Variants in SNX2 observed in about 807,000 individuals in gnomAD.
The protein encoded by SNX2 is sorting nexin-2.
A neutral mutation model predicts 69.9 loss-of-function variants in SNX2; 25 were observed. The observed-to-expected ratio is 0.36, with a 90% CI of 0.26 to 0.50. The LOEUF is 0.50. SNX2 is among the 20% of genes least tolerant of loss of function. The probability of loss-of-function intolerance (pLI) is 0.97; values close to 1 mark genes in which losing one functional copy is unlikely to be tolerated. For missense variants in SNX2, 551 were observed against 613.3 expected, an observed-to-expected ratio of 0.90 and a Z score of 1.07; for synonymous variants, 229 against 200.4, an observed-to-expected ratio of 1.14 and a Z score of -1.20.
At chr5:122,823,453 G>C (rs1476244220) in intron 11 of SNX2, among the ~76,000 whole-genome samples, 2 of 152,096 alleles carry the variant, frequency 1.3e-5, no homozygotes, top group African/African-American at 4.8e-5. Flanking sequence ...AATACTATGA[G>C]ATAATAAATT....
intron 7 of SNX2, among the ~76,000 whole-genome samples, chr5:122,809,430 A>G (rs981141174): frequency 6.6e-6 from 1 of 152,180 alleles, no homozygotes; most frequent in Admixed American, 6.5e-5. Flanking sequence ...GAAGCAGACT[A>G]AAAGGGGGAC....
intron 11 of SNX2, among the ~76,000 whole-genome samples, chr5:122,821,654 A>C (rs1754028350): frequency 6.6e-6 from 1 of 151,868 alleles, no homozygotes; most frequent in African/African-American, 2.4e-5. Flanking sequence ...ACGAGGTTTC[A>C]CCGTGTTAGC....
chr5:122,791,978 A>G (rs180875216), intron 1 of SNX2, among the ~76,000 whole-genome samples: 62 of 152,328 alleles, frequency 4.1e-4, no homozygotes, highest in African/African-American at 1.4e-3. Context: ...ATATAGGCCA[A>G]TCACCCAATC....
At chr5:122,805,305 A>AAG (rs1753616378) in intron 6 of SNX2, among the ~76,000 whole-genome samples, 1 of 151,892 alleles carries the variant, frequency 6.6e-6, no homozygotes, top group Admixed American at 6.6e-5. Flanking sequence ...AAAAAAAAAA[A>AAG]AAGAATTTTG....
At chr5:122,805,455 T>G (rs753156699) in intron 6 of SNX2, among the ~76,000 whole-genome samples, 2 of 152,156 alleles carry the variant, frequency 1.3e-5, no homozygotes, top group Non-Finnish European at 2.9e-5. Flanking sequence ...TTATTGTTTT[T>G]ACTTTTTTAA....
chr5:122,785,843 A>G (rs1753073502), intron 1 of SNX2, among the ~76,000 whole-genome samples: 1 of 152,162 alleles, frequency 6.6e-6, no homozygotes, highest in African/African-American at 2.4e-5. Context: ...AAAAGAATGT[A>G]TATATAGTCT....
In SNX2 at chr5:122,803,477, T is replaced by C; in HGVS notation, c.507T>C (p.Ser169=). 6.2e-7 allele frequency: 1 copy of C among 1,607,420 alleles called. No homozygotes were observed. The highest frequency in any genetic ancestry group is 8.5e-7 in the Non-Finnish European group (1 of 1,178,248). ...YMAYRVTTKT[S]LSMFSKSEFS... is the part of the protein sequence containing the mutation. ...CACCTCTTCTTCACTTGTAGACATC[T>C]CTTTCCATGTTCAGTAAGAGTGAAT... Residue 169 remains serine, a synonymous_variant, in exon 6 of 15, where the codon TCT becomes TCC. Coordinates refer to ENST00000379516, the MANE Select transcript of SNX2 (RefSeq NM_003100.4).
At chr5:122,789,484 C>G (rs61242972) in intron 1 of SNX2, among the ~76,000 whole-genome samples, 44,867 of 140,824 alleles carry the variant, frequency 0.32, 7,071 homozygotes, top group African/African-American at 0.36. Flanking sequence ...GACACACACA[C>G]ACACACACAC....
At chr5:122,779,095 G>T (rs987390605) in intron 1 of SNX2, among the ~76,000 whole-genome samples, 2 of 151,654 alleles carry the variant, frequency 1.3e-5, no homozygotes, top group African/African-American at 4.9e-5. Context: ...TAGATAGTAC[G>T]TTTTAAAAAA....
chr5:122,783,024 C>T (rs752035571), intron 1 of SNX2, among the ~76,000 whole-genome samples: 2 of 151,960 alleles, frequency 1.3e-5, no homozygotes, highest in Admixed American at 6.6e-5. Context: ...GCAACCTCCA[C>T]CTCCCCAGTT....
chr5:122,797,588 A>G (rs1294355167), intron 2 of SNX2, among the ~76,000 whole-genome samples: 2 of 152,166 alleles, frequency 1.3e-5, no homozygotes, highest in Non-Finnish European at 2.9e-5. Flanking sequence ...AATAGGGAGC[A>G]GCGTATGTTA....
intron 7 of SNX2, among the ~76,000 whole-genome samples, chr5:122,813,107 C>T (rs1753817166): frequency 6.6e-6 from 1 of 152,004 alleles, no homozygotes. Context: ...TCTATTTCTC[C>T]CCATACCTCT....
At chr5:122,794,327 C>CAAACA (rs1554062214) in intron 1 of SNX2, among the ~76,000 whole-genome samples, 2 of 151,336 alleles carry the variant, frequency 1.3e-5, no homozygotes, top group Admixed American at 6.6e-5. Flanking sequence ...AACAAACAAA[C>CAAACA]AAAAAAAACA....
rs766427032 is a variant in SNX2, at chr5:122,826,127, T to A, written c.1290T>A (p.Ala430=). Residue 430 remains alanine (A), a synonymous_variant, in exon 12 of 15, where the codon GCT becomes GCA. Coordinates refer to ENST00000379516, the MANE Select transcript of SNX2 (RefSeq NM_003100.4). ...AQITLLKKRE[A]EAKMMVANKP... is the part of the protein sequence containing the mutation. ...TTACTTTGCTCAAAAAACGTGAAGC[T>A]GAAGCAAAAATGATGGTTGCTAACA... 6 of 1,613,058 alleles carry A rather than the reference T, an allele frequency of 3.7e-6. No homozygotes were observed. The Admixed American group carries it at 8.3e-5, about 22-fold the overall frequency.
chr5:122,808,189 G>T (rs1192897234), intron 6 of SNX2, 88 bp from the exon 7 acceptor site: 1 of 824,576 alleles, frequency 1.2e-6, no homozygotes. Flanking sequence ...TTCAAATTTT[G>T]AGTGTATTTT....
At chr5:122,795,142 A>G in intron 1 of SNX2, 124 bp from the exon 2 acceptor site, 1 of 643,434 alleles carries the variant, frequency 1.6e-6, no homozygotes. Context: ...GGATATATAA[A>G]TAGCTGTTCT....
chr5:122,811,336 T>C (rs1172523681), intron 7 of SNX2, among the ~76,000 whole-genome samples: 2 of 152,192 alleles, frequency 1.3e-5, no homozygotes, highest in African/African-American at 4.8e-5. Flanking sequence ...TGCTTGGTTT[T>C]CTTGAGAGTG....
chr5:122,817,585 A>G (rs12188456), intron 10 of SNX2, among the ~76,000 whole-genome samples: 60,315 of 151,812 alleles, frequency 0.4, 12,548 homozygotes, highest in African/African-American at 0.49. Flanking sequence ...TAACGAGCTT[A>G]GAAAATTATT....
intron 1 of SNX2, among the ~76,000 whole-genome samples, chr5:122,789,283 T>G (rs1052199064): frequency 6.6e-6 from 1 of 152,194 alleles, no homozygotes; most frequent in African/African-American, 2.4e-5. Context: ...AGAATTGCTG[T>G]GCTGTTTGGC....
Sources: gnomAD v4.1 joint callset for allele counts (sites outside exome capture counted in the v4.1 genomes callset) on GRCh38, gnomAD v4.1.1 for gene constraint, MANE v1.5 for transcripts, NCBI Gene and HGNC (gene_info 2026-07-23, HGNC 2026-07-21) for gene names.